The following MYH6 variants were observed in gnomAD, a reference collection of about 807,000 sequenced individuals.
The protein encoded by MYH6 is myosin heavy chain 6, also known as myosin-6.
A neutral mutation model predicts 223.2 loss-of-function variants in MYH6; 126 were observed. That is an observed-to-expected ratio of 0.56 (90% CI 0.49 to 0.65). The LOEUF is 0.65. Ranked by LOEUF, MYH6 falls within the 30% of genes least tolerant of loss-of-function variation. The pLI is 0.00. For synonymous variants in MYH6, 978 were observed against 1,010.2 expected (o/e 0.97, Z 0.61); for missense variants, 2,040 against 2,536.4 (o/e 0.80, Z 4.20).
chr14:23,407,520 G>C lies in MYH6; in HGVS notation c.-14+56C>G, dbSNP rs975599433. ...CAGCAGACCCCTGGTCCAGCAATCC[G>C]GCTCCCAGGAGAAGCATGCCCCAGT... On this transcript the variant is annotated intron_variant, in intron 2 of 38. Transcript: ENST00000405093. The surrounding 1 kb of genome is among the most constrained non-coding windows in gnomAD (Gnocchi z 5.6). 2 of 1,306,990 alleles carry C rather than the reference G, an allele frequency of 1.5e-6. No homozygotes were observed. The highest frequency in any genetic ancestry group is 1.5e-5 in the African/African-American group (1 of 66,998). 81.0% of individuals were successfully genotyped at this position (1,306,990 alleles called of 1,614,324 possible). A position where few individuals can be genotyped will look rare whatever the true frequency, so the allele number is the denominator to read the frequency against.
rs892094150 is a variant in MYH6, at chr14:23,389,133, C to T, written c.3979-78G>A. 3 of 1,475,882 alleles carry T rather than the reference C, an allele frequency of 2.0e-6. 1 individual carries two copies. Among genetic ancestry groups the T allele is most frequent in the Non-Finnish European group, 9.0e-7 (1 of 1,107,006 alleles). The allele number at this position is 1,475,882 out of a possible 1,614,324, so 91.4% of individuals were successfully genotyped here. ...CTCTAGATTCTCTTCTTATGTAGTA[C>T]TTCAACCAAGCCCAGCCTTATTCAC... On this transcript the variant is annotated intron_variant, in intron 28 of 38. Coordinates refer to ENST00000405093, the MANE Select transcript of MYH6 (RefSeq NM_002471.4).
Position 23,388,883 on chromosome 14 carries a change from C to A in MYH6, c.4151G>T (p.Arg1384Leu), listed in dbSNP as rs139265690. 2 of 1,613,690 alleles carry A rather than the reference C, an allele frequency of 1.2e-6. No individual in the cohort carries two copies. Among genetic ancestry groups the A allele is most frequent in the Non-Finnish European group, 1.7e-6 (2 of 1,180,054 alleles). Residue 1384 changes from arginine (R) to leucine (L), a missense_variant, in exon 29 of 39, where the codon CGG becomes CTG. Physicochemically the swap from Arg to Leu is moderately radical, Grantham distance 102. This residue lies in a region of MYH6 where 1,203 missense variants were observed against 1,400.2 expected (regional missense o/e 0.86). Coordinates refer to ENST00000405093, the MANE Select transcript of MYH6 (RefSeq NM_002471.4). ...CTTGGCCTCTTCGAGCTCCTCAGTC[C>A]GCTGAATGGCGTCCGTCTCATACTT... ...RTKYETDAIQ[R>L]TEELEEAKKK...
rs1315813996 is a variant in MYH6 at position 23,400,348 on chromosome 14, G to T, written c.1489C>A (p.Leu497Met). ...TCCTTCTTGTACTCCTCCTGCTCCA[G>T]CACGAACATGTGGTGGTTGAAGAAC... ...QQFFNHHMFV[L>M]EQEEYKKEGI... Residue 497 changes from leucine to methionine, a missense_variant, in exon 14 of 39, where the codon CTG becomes ATG. By Grantham distance (15) the Leu-to-Met change is conservative. This residue lies in a region of MYH6 where 649 missense variants were observed against 877.3 expected (regional missense o/e 0.74). Coordinates refer to ENST00000405093, the MANE Select transcript of MYH6 (RefSeq NM_002471.4). 1 of 1,614,226 alleles carries T rather than the reference G, an allele frequency of 6.2e-7. No individual in the cohort carries two copies. Among genetic ancestry groups the T allele is most frequent in the Non-Finnish European group, 8.5e-7 (1 of 1,180,048 alleles).
chr14:23,388,853 G>T lies in MYH6; in HGVS notation c.4175+6C>A, dbSNP rs1196905977. On this transcript the variant is annotated splice_donor_region_variant and intron_variant, in intron 29 of 38. Transcript: ENST00000405093. Reference sequence around the variant, plus strand: ...GAGTCAGGTTAAGGGGGTATCTGGAGCTCACTTGGCCTCTTCGAGCTCCTC... The same window carrying T: ...GAGTCAGGTTAAGGGGGTATCTGGATCTCACTTGGCCTCTTCGAGCTCCTC... 4 of 1,613,730 alleles carry T rather than the reference G, an allele frequency of 2.5e-6. No homozygotes were observed. The African/African-American group carries it at 5.3e-5, about 22-fold the overall frequency.
rs1595048125 is a variant in MYH6, at chr14:23,384,939, TCTC to T, written c.5263_5265del (p.Glu1755del). On this transcript the variant is annotated inframe_deletion, in exon 35 of 39. Transcript: ENST00000405093. ...ACATCCGTGATGGCCTTCTTGGCCT[TCTC>T]CTCGGCGTTTCTGCACTCCTGCACT... 2 of 1,614,212 alleles carry T rather than the reference TCTC, an allele frequency of 1.2e-6. No homozygotes were observed. The highest frequency in any genetic ancestry group is 3.3e-5 in the Admixed American group (2 of 60,032).
intron 8 of MYH6, 36 bp from the exon 9 acceptor site, chr14:23,403,814 G>A (rs1408684337): frequency 6.4e-7 from 1 of 1,563,060 alleles, no homozygotes; most frequent in Admixed American, 1.8e-5. Flanking sequence ...GGAACTGGCG[G>A]GAAGGACAGA....
In MYH6 at chr14:23,390,454, A is replaced by G; in HGVS notation, c.3343-8T>C. 1.2e-6 allele frequency: 2 copies of G among 1,612,724 alleles called. No homozygotes were observed. The highest frequency in any genetic ancestry group is 1.7e-6 in the Non-Finnish European group (2 of 1,179,964). ...CAGCTCCTCGATGCGTGCCTGGGTC[A>G]GACACAAAGGGCTCAGACCCACCGC... is the stretch of plus-strand genomic sequence containing the variant. On this transcript the variant is annotated splice_region_variant and splice_polypyrimidine_tract_variant and intron_variant, in intron 25 of 38. Transcript: ENST00000405093.
chr14:23,390,897 G>C (rs923720130), intron 25 of MYH6, among the ~76,000 whole-genome samples: 5 of 152,172 alleles, frequency 3.3e-5, no homozygotes, highest in African/African-American at 1.2e-4. Flanking sequence ...GTGACAACAT[G>C]CCTCGAAACA....
Position 23,405,483 on chromosome 14 carries a change from C to T in MYH6, c.346-104G>A. 2.5e-6 allele frequency: 4 copies of T among 1,600,180 alleles called. No individual in the cohort carries two copies. The Admixed American group carries it at 6.8e-5, about 27-fold the overall frequency. ...CTGTTCACTCCAGCTGGCTCTACTC[C>T]TCCTGCAGCTGACTAGGGGTGGAGG... On this transcript the variant is annotated intron_variant, in intron 4 of 38. Coordinates refer to ENST00000405093, the MANE Select transcript of MYH6 (RefSeq NM_002471.4). The surrounding 1 kb of genome is among the most constrained non-coding windows in gnomAD (Gnocchi z 4.7).
chr14:23,398,645 A>G, intron 15 of MYH6, 83 bp downstream of exon 15: 1 of 1,502,268 alleles, frequency 6.7e-7, no homozygotes, highest in East Asian at 2.3e-5. Context: ...CTGCCTATGG[A>G]GTCATGTGCT....
In MYH6 at chr14:23,389,153, A is replaced by C. The variant is rs1001999690; in HGVS notation, c.3979-98T>G. The C allele has an allele frequency of 2.8e-6, 4 of 1,404,082 alleles. No individual in the cohort carries two copies. The Admixed American group carries it at 7.1e-5, about 25-fold the overall frequency. The allele number at this position is 1,404,082 out of a possible 1,614,324, so 87.0% of individuals were successfully genotyped here. A position where few individuals can be genotyped will look rare whatever the true frequency, so the allele number is the denominator to read the frequency against. The stretch of plus-strand genomic sequence containing the variant: ...TAGTACTTCAACCAAGCCCAGCCTT[A>C]TTCACCATGTGGGCTGATGTGGCAC... On this transcript the variant is annotated intron_variant, in intron 28 of 38. Coordinates refer to ENST00000405093, the MANE Select transcript of MYH6 (RefSeq NM_002471.4).
At chr14:23,384,380 G>A (rs1890951268) in intron 36 of MYH6, 62 bp downstream of exon 36, 2 of 1,600,114 alleles carry the variant, frequency 1.2e-6, no homozygotes, top group Non-Finnish European at 8.5e-7. Context: ...CTGTGAGGGC[G>A]GGGCAGTGGG....
rs947393801 is a variant in MYH6, at chr14:23,382,562, C to G, written c.5662G>C (p.Glu1888Gln). The change falls in exon 38 of 39, where the codon GAG becomes CAG. Residue 1888 changes from glutamate (E) to glutamine (Q), a missense_variant and splice_region_variant. Around this residue, in one of 4 missense-constraint regions of MYH6, gnomAD observed 1,203 missense variants for 1,400.2 expected, o/e 0.86. Transcript: ENST00000405093. ...GACAGGTTGGTGTTGGCTTGCTCCT[C>G]CTGTGGTGGGACAGTGGGGATGGGT... Reference protein sequence around the residue: ...KAYKRQAEEAEEQANTNLSKF... With the variant: ...KAYKRQAEEAQEQANTNLSKF... The G allele has an allele frequency of 6.2e-7, 1 of 1,614,040 alleles. No individual in the cohort carries two copies. Among genetic ancestry groups the G allele is most frequent in the Non-Finnish European group, 8.5e-7 (1 of 1,180,028 alleles).
chr14:23,385,826 G>C lies in MYH6; in HGVS notation c.5163+102C>G, dbSNP rs569893366. On this transcript the variant is annotated intron_variant, in intron 34 of 38. Coordinates refer to ENST00000405093, the MANE Select transcript of MYH6 (RefSeq NM_002471.4). ...GTTGGCCTAAGAGAGGAAATGATTT[G>C]TGACCCTGGCTAGATGTGCTCACTT... 6 of 1,524,050 alleles carry C rather than the reference G, an allele frequency of 3.9e-6. No homozygotes were observed. In the East Asian group the frequency reaches 1.4e-4, roughly 34 times the overall value. 94.4% of individuals were successfully genotyped at this position (1,524,050 alleles called of 1,614,324 possible). A position where few individuals can be genotyped will look rare whatever the true frequency, so the allele number is the denominator to read the frequency against.
At chr14:23,399,072 C>T in intron 14 of MYH6, 35 bp from the exon 15 acceptor site, 1 of 1,610,988 alleles carries the variant, frequency 6.2e-7, no homozygotes. Flanking sequence ...GAGAGAATCA[C>T]TGAGCACACT....
In MYH6 at chr14:23,388,321, C is replaced by A. The variant is rs150815925; in HGVS notation, c.4193G>T (p.Arg1398Leu). ...CACGGCCTCCTCGGCATCCTGCAGCCGCTGGGCCAGCTTCTTTCTGCCCAG... is the reference window on the plus strand; with the variant it reads ...CACGGCCTCCTCGGCATCCTGCAGCAGCTGGGCCAGCTTCTTTCTGCCCAG... ...LEEAKKKLAQ[R>L]LQDAEEAVEA... The change falls in exon 30 of 39, where the codon CGG (arginine) becomes CTG (leucine). Residue 1398 changes from arginine to leucine, a missense_variant. Transcript: ENST00000405093. 1.2e-6 allele frequency: 2 copies of A among 1,613,240 alleles called. No homozygotes were observed. Among genetic ancestry groups the A allele is most frequent in the Non-Finnish European group, 1.7e-6 (2 of 1,180,020 alleles).
In MYH6 at chr14:23,387,921, G is replaced by A. The variant is rs1341369908; in HGVS notation, c.4362C>T (p.Ile1454=). Residue 1454 remains isoleucine (I), a splice_region_variant and synonymous_variant, in exon 31 of 39, where the codon ATC becomes ATT. Coordinates refer to ENST00000405093, the MANE Select transcript of MYH6 (RefSeq NM_002471.4). ...CATACTTCTGCTTCCACTCGGCCAG[G>A]ATCTGCCCGGGGACAAGGCTCACTC... The part of the protein sequence containing the change: ...LDKKQRNFDK[I]LAEWKQKYEE... 1 of 1,613,476 alleles carries A rather than the reference G, an allele frequency of 6.2e-7. No homozygotes were observed. Among genetic ancestry groups the A allele is most frequent in the Admixed American group, 1.7e-5 (1 of 60,012 alleles).
Position 23,394,296 on chromosome 14 carries a change from G to A in MYH6, c.2457C>T (p.Asn819=), listed in dbSNP as rs758852308. Residue 819 remains asparagine, a synonymous_variant, in exon 21 of 39, where the codon AAC becomes AAT. Coordinates refer to ENST00000405093, the MANE Select transcript of MYH6 (RefSeq NM_002471.4). ...TCTTGACCCCCATGAAGGCCCGAAT[G>A]TTCCACTGGATTACCAGCAGGGCAT... ...RRDALLVIQW[N]IRAFMGVKNW... is the part of the protein sequence containing the mutation. The A allele has an allele frequency of 1.9e-5, 30 of 1,614,204 alleles. No individual in the cohort carries two copies. In the South Asian group the frequency reaches 3.0e-4, roughly 16 times the overall value.
At chr14:23,390,646 G>C (rs1046761270) in intron 25 of MYH6, among the ~76,000 whole-genome samples, 200 bp from the exon 26 acceptor site, 4 of 152,084 alleles carry the variant, frequency 2.6e-5, no homozygotes, top group Non-Finnish European at 5.9e-5. Context: ...TAGAGGGTAG[G>C]GGCCAGGGAT....
Sources: gnomAD v4.1 joint callset for allele counts (sites outside exome capture counted in the v4.1 genomes callset) on GRCh38, gnomAD v4.1.1 for gene constraint, gnomAD v4.1.1 regional missense constraint, Gnocchi (gnomAD v3.1) non-coding constraint, MANE v1.5 for transcripts, NCBI Gene and HGNC (gene_info 2026-07-23, HGNC 2026-07-21) for gene names.